MSH3: variants seen among roughly 807,000 people sequenced by gnomAD.
The protein encoded by MSH3 is mutS homolog 3.
In MSH3, 106 loss-of-function variants were observed where a neutral mutation model predicts 123.3. That is an observed-to-expected ratio of 0.86 (90% confidence interval 0.73 to 1.01). MSH3 has a LOEUF of 1.01. MSH3 is among the 50% of genes least tolerant of loss of function. MSH3 has a pLI of 0.00. For synonymous variants in MSH3, 515 were observed against 481.4 expected, an observed-to-expected ratio of 1.07 and a Z score of -0.91; for missense variants, 1,459 against 1,347.6, an observed-to-expected ratio of 1.08 and a Z score of -1.29.
intron 2 of MSH3, among the ~76,000 whole-genome samples, chr5:80,663,656 G>A (rs572896732): frequency 7.9e-4 from 120 of 152,108 alleles, no homozygotes; most frequent in Middle Eastern, 6.8e-3. Flanking sequence ...GAGAGTAATA[G>A]TAAACAAGGT....
chr5:80,672,994 C>A (rs954847355), intron 6 of MSH3, 136 bp downstream of exon 6: 22 of 741,074 alleles, frequency 3.0e-5, no homozygotes, highest in Admixed American at 1.5e-4. Context: ...AAGGTGAACC[C>A]TTGATTAGGT....
rs528928531 is a variant in MSH3, at chr5:80,854,173, A to G, written c.2857A>G (p.Met953Val). 6.2e-7 allele frequency: 1 copy of G among 1,613,844 alleles called. No individual in the cohort carries two copies. The highest frequency in any genetic ancestry group is 8.5e-7 in the Non-Finnish European group (1 of 1,179,828). ...DNIYKGQSTFMEELTDTAEII... is the reference protein window; with the variant it reads ...DNIYKGQSTFVEELTDTAEII... The stretch of plus-strand genomic sequence containing the variant: ...TATATATAAAGGACAGAGTACATTT[A>G]TGGAAGAACTGACTGACACAGCAGA... Residue 953 changes from methionine (M) to valine (V), a missense_variant, in exon 21 of 24, where the codon ATG becomes GTG. Coordinates refer to ENST00000265081, the MANE Select transcript of MSH3 (RefSeq NM_002439.5).
chr5:80,679,092 A>C lies in MSH3; in HGVS notation c.1339A>C (p.Ser447Arg). The C allele has an allele frequency of 1.2e-6, 2 of 1,613,864 alleles. No individual in the cohort carries two copies. The highest frequency in any genetic ancestry group is 2.2e-5 in the South Asian group (2 of 91,074). The change falls in exon 8 of 24, where the codon AGT becomes CGT. Residue 447 changes from serine (S) to arginine (R), a missense_variant and splice_region_variant. By Grantham distance (110) the Ser-to-Arg change is moderately radical (BLOSUM62 -1). Transcript: ENST00000265081. ...GCTCATCCACAGAGCCACATCTGTT[A>C]GGTAAGTTGGCACATCACTGGAATA... ...EALIHRATSV[S>R]VQDDRIRVER...
intron 20 of MSH3, among the ~76,000 whole-genome samples, chr5:80,841,870 A>T (rs1360404486): frequency 6.6e-6 from 1 of 152,132 alleles, no homozygotes; most frequent in Non-Finnish European, 1.5e-5. Context: ...GTTCACTCTG[A>T]TGACAGTTTC....
At chr5:80,836,258 T>C (rs1235598984) in intron 20 of MSH3, among the ~76,000 whole-genome samples, 1 of 152,138 alleles carries the variant, frequency 6.6e-6, no homozygotes, top group Non-Finnish European at 1.5e-5. Flanking sequence ...GTGATGTGGA[T>C]TGAGTAAGTT....
At chr5:80,789,319 C>G (rs1213786109) in intron 18 of MSH3, among the ~76,000 whole-genome samples, 2 of 151,506 alleles carry the variant, frequency 1.3e-5, no homozygotes, top group Non-Finnish European at 2.9e-5. Flanking sequence ...TTAAGTGTCT[C>G]TCTCCAACAG....
chr5:80,767,729 C>G lies in MSH3; in HGVS notation c.1897-204C>G, dbSNP rs33015. ...ACAAGTATTGGCTTTGTTTTCCTTGCCTAAAATTATTTCCTTTATACCTTT... is the reference window on the plus strand; with the variant it reads ...ACAAGTATTGGCTTTGTTTTCCTTGGCTAAAATTATTTCCTTTATACCTTT... On this transcript the variant is annotated intron_variant, in intron 13 of 23. Transcript: ENST00000265081. Among the ~76,000 whole-genome samples, 57,075 of 151,730 alleles carry G rather than the reference C, an allele frequency of 0.38. 10,949 individuals carry two copies. The highest frequency in any genetic ancestry group is 0.59 in the East Asian group (3,053 of 5,160).
chr5:80,875,917 A>G lies in MSH3; in HGVS notation c.*55A>G. 1 of 1,057,648 alleles carries G rather than the reference A, an allele frequency of 9.5e-7. No individual in the cohort carries two copies. Among genetic ancestry groups the G allele is most frequent in the Middle Eastern group, 2.2e-4 (1 of 4,626 alleles). 65.5% of individuals were successfully genotyped at this position (1,057,648 alleles called of 1,614,324 possible). A position where few individuals can be genotyped will look rare whatever the true frequency, so the allele number is the denominator to read the frequency against. Reference sequence around the variant, plus strand: ...GGAGAATTAAAAATACCAACTGTACAAAATAACTCTCCAGTAACAGCCTAT... The same window carrying G: ...GGAGAATTAAAAATACCAACTGTACGAAATAACTCTCCAGTAACAGCCTAT... On this transcript the variant is annotated 3_prime_UTR_variant, in exon 24 of 24. Coordinates refer to ENST00000265081, the MANE Select transcript of MSH3 (RefSeq NM_002439.5).
At chr5:80,676,807 A>G (rs1561438813) in intron 7 of MSH3, among the ~76,000 whole-genome samples, 1 of 152,222 alleles carries the variant, frequency 6.6e-6, no homozygotes, top group Non-Finnish European at 1.5e-5. Flanking sequence ...GCTATTTTAT[A>G]TTTACCTAAA....
intron 12 of MSH3, among the ~76,000 whole-genome samples, chr5:80,754,273 A>G (rs1743885136): frequency 6.6e-6 from 1 of 152,006 alleles, no homozygotes; most frequent in South Asian, 2.1e-4. Flanking sequence ...TTAAAAAAGC[A>G]AATATGAATT....
chr5:80,671,774 C>T (rs1749729162), intron 4 of MSH3, among the ~76,000 whole-genome samples: 1 of 152,156 alleles, frequency 6.6e-6, no homozygotes, highest in Non-Finnish European at 1.5e-5. Flanking sequence ...AGTCGTGCAT[C>T]ATTAATTAGT....
intron 20 of MSH3, among the ~76,000 whole-genome samples, chr5:80,826,635 A>G (rs999460037): frequency 5.4e-5 from 8 of 148,182 alleles, no homozygotes; most frequent in South Asian, 2.1e-4. Context: ...TGCAACCTCT[A>G]CCTCCTGGGT....
intron 8 of MSH3, among the ~76,000 whole-genome samples, chr5:80,695,057 TTTG>T (rs921954972): frequency 1.3e-5 from 2 of 150,806 alleles, no homozygotes; most frequent in Non-Finnish European, 3.0e-5. Context: ...CTTCAAGGTT[TTTG>T]TTGTTGGTGG....
chr5:80,857,106 A>C (rs1168962931), intron 21 of MSH3, among the ~76,000 whole-genome samples: 7 of 152,100 alleles, frequency 4.6e-5, no homozygotes, highest in Admixed American at 4.6e-4. Context: ...TTTTTATTGA[A>C]TGGGTGTTAG....
intron 8 of MSH3, among the ~76,000 whole-genome samples, chr5:80,702,067 A>G (rs1750622070): frequency 6.6e-6 from 1 of 152,164 alleles, no homozygotes; most frequent in Non-Finnish European, 1.5e-5. Context: ...TCAATAATCA[A>G]TATACATTAA....
chr5:80,823,753 T>C (rs1009916420), intron 20 of MSH3, among the ~76,000 whole-genome samples: 1 of 152,168 alleles, frequency 6.6e-6, no homozygotes, highest in Non-Finnish European at 1.5e-5. Flanking sequence ...GAGGGGGATT[T>C]GGCAGGGTCA....
At chr5:80,720,130 A>G (rs74877734) in intron 8 of MSH3, among the ~76,000 whole-genome samples, 5 of 152,032 alleles carry the variant, frequency 3.3e-5, no homozygotes, top group East Asian at 1.9e-4. Context: ...ACATTACTCT[A>G]TTGTCTGTAG....
chr5:80,840,366 T>C (rs1016763474), intron 20 of MSH3, among the ~76,000 whole-genome samples: 2 of 152,304 alleles, frequency 1.3e-5, no homozygotes, highest in South Asian at 4.1e-4. Context: ...CCAGCTTTTT[T>C]CACTTCTTCC....
At chr5:80,732,986 A>G (rs1743437917) in intron 10 of MSH3, among the ~76,000 whole-genome samples, 1 of 152,186 alleles carries the variant, frequency 6.6e-6, no homozygotes, top group Non-Finnish European at 1.5e-5. Context: ...ATTTGTATCA[A>G]ATCCCAGCTG....
Sources: gnomAD v4.1 joint callset for allele counts (sites outside exome capture counted in the v4.1 genomes callset) on GRCh38, gnomAD v4.1.1 for gene constraint, MANE v1.5 for transcripts, NCBI Gene and HGNC (gene_info 2026-07-23, HGNC 2026-07-21) for gene names.